The following EYS variants were observed in gnomAD, a reference collection of about 807,000 sequenced individuals.
The protein encoded by EYS is EGF-like photoreceptor maintenance factor.
In EYS, 250 loss-of-function variants were observed where a neutral mutation model predicts 282.1. The observed-to-expected ratio is 0.89, with a 90% CI of 0.80 to 0.98. The LOEUF is 0.98. Ranked by LOEUF, EYS falls within the 50% of genes least tolerant of loss-of-function variation. The probability of loss-of-function intolerance (pLI) is 0.00; values close to 1 mark genes in which losing one functional copy is unlikely to be tolerated. For missense variants in EYS, 4,016 were observed against 3,709.0 expected (o/e 1.08, Z -2.15); for synonymous variants, 1,355 against 1,282.9 (o/e 1.06, Z -1.20).
Position 64,938,221 on chromosome 6 carries a change from C to T in EYS, c.2381+7572G>A, listed in dbSNP as rs71572505. ...TAGTGGTGATCCTTGTACTTCTCTA[C>T]GAATCTACTAAATCTATAGTAGTTC... On this transcript the variant is annotated intron_variant, in intron 15 of 42. Coordinates refer to ENST00000503581, the MANE Select transcript of EYS (RefSeq NM_001142800.2). 1.4e-3 allele frequency among the ~76,000 whole-genome samples: 217 copies of T among 151,610 alleles called. 1 individual carries two copies. The highest frequency in any genetic ancestry group is 6.8e-3 in the Middle Eastern group (2 of 294).
At chr6:64,811,110 C>T (rs2150014530) in intron 22 of EYS, among the ~76,000 whole-genome samples, 1 of 152,160 alleles carries the variant, frequency 6.6e-6, no homozygotes, top group East Asian at 1.9e-4. Flanking sequence ...TACCTTCTAT[C>T]CTAGAATATG....
chr6:63,932,547 A>G (rs756134303), intron 35 of EYS, among the ~76,000 whole-genome samples: 12 of 152,102 alleles, frequency 7.9e-5, no homozygotes, highest in Non-Finnish European at 1.2e-4. Context: ...GTCCTGTTCT[A>G]TTTCCTAATA....
At chr6:65,050,169 T>C (rs558794799) in intron 13 of EYS, among the ~76,000 whole-genome samples, 1 of 151,782 alleles carries the variant, frequency 6.6e-6, no homozygotes, top group South Asian at 2.1e-4. Context: ...AAAAATATTT[T>C]GTTTTAAATG....
intron 8 of EYS, among the ~76,000 whole-genome samples, chr6:65,357,794 AAAAGT>A (rs2056274229): frequency 6.6e-6 from 1 of 152,038 alleles, no homozygotes; most frequent in South Asian, 2.1e-4. Flanking sequence ...CCAATAAAAG[AAAAGT>A]AATTATTTCA....
intron 34 of EYS, among the ~76,000 whole-genome samples, 192 bp downstream of exon 34, chr6:63,998,883 T>C (rs769296901): frequency 1.7e-4 from 26 of 151,970 alleles, no homozygotes; most frequent in Non-Finnish European, 2.9e-4. Flanking sequence ...AAAACTTTGA[T>C]AGTGACAGGC....
chr6:63,864,071 A>G, intron 36 of EYS, 115 bp downstream of exon 36: 1 of 1,007,684 alleles, frequency 9.9e-7, no homozygotes, highest in Non-Finnish European at 1.4e-6. Flanking sequence ...AAGAACCCAG[A>G]AGAAGATTTG....
intron 1 of EYS, among the ~76,000 whole-genome samples, chr6:65,681,389 T>C (rs148859245): frequency 2.4e-4 from 36 of 152,164 alleles, no homozygotes; most frequent in Middle Eastern, 3.4e-3. Flanking sequence ...AGACCAAATG[T>C]ATATTTCATA....
chr6:63,788,954 G>T, intron 38 of EYS, 104 bp downstream of exon 38: 1 of 1,156,448 alleles, frequency 8.6e-7, no homozygotes, highest in Non-Finnish European at 1.2e-6. Flanking sequence ...TGTGAACTTC[G>T]TGGATGTAGG....
At position 65,510,250 on chromosome 6, in the gene EYS, C is replaced by T. The variant is rs1400408659; in HGVS notation, c.-332-14257G>A. ...TGTGTTCTCATTGTTCAATTCCCAC[C>T]TATGGGAATTGCGGTGTTTGGTTTT... On this transcript the variant is annotated intron_variant, in intron 2 of 42. Transcript: ENST00000503581. Among the ~76,000 whole-genome samples, 3 of 146,684 alleles carry T rather than the reference C, an allele frequency of 2.0e-5. No homozygotes were observed. The Admixed American group carries it at 2.1e-4, about 10-fold the overall frequency.
chr6:64,678,851 G>A (rs749934291), intron 22 of EYS, among the ~76,000 whole-genome samples: 3 of 151,900 alleles, frequency 2.0e-5, no homozygotes, highest in Non-Finnish European at 4.4e-5. Context: ...GCCGGGTTTG[G>A]TGATAGGCGC....
chr6:65,031,172 C>CATACACACACACACACACAT (rs1426768477), intron 13 of EYS, among the ~76,000 whole-genome samples: 1 of 132,778 alleles, frequency 7.5e-6, no homozygotes, highest in Admixed American at 7.3e-5. Context: ...CACACACGCA[C>CATACACACACACACACACAT]ATACACACAC....
chr6:64,710,790 C>A (rs929279155), intron 22 of EYS, among the ~76,000 whole-genome samples: 5 of 152,208 alleles, frequency 3.3e-5, no homozygotes, highest in African/African-American at 7.2e-5. Context: ...CCATTTACTT[C>A]ATGTTGCCAT....
intron 19 of EYS, among the ~76,000 whole-genome samples, chr6:64,863,410 G>A (rs1766311860): frequency 6.6e-6 from 1 of 152,030 alleles, no homozygotes; most frequent in African/African-American, 2.4e-5. Flanking sequence ...TATATTCTCT[G>A]AATCTGTTTC....
In EYS at chr6:64,275,037, G is replaced by A. The variant is rs377680169; in HGVS notation, c.6191+31933C>T. Among the ~76,000 whole-genome samples, 21 of 152,238 alleles carry A rather than the reference G, an allele frequency of 1.4e-4. No homozygotes were observed. The South Asian group carries it at 4.4e-3, about 32-fold the overall frequency. On this transcript the variant is annotated intron_variant, in intron 30 of 42. Transcript: ENST00000503581. ...AGAACATCCCATAAAGCATGCACCT[G>A]GCAACCTGGTCACACCTACAACCTT...
chr6:64,699,105 A>T (rs982827073), intron 22 of EYS, among the ~76,000 whole-genome samples: 16 of 152,208 alleles, frequency 1.1e-4, no homozygotes. Flanking sequence ...GATAAAGAAA[A>T]TGTGGTACAT....
intron 42 of EYS, among the ~76,000 whole-genome samples, chr6:63,725,856 C>A (rs1768594756): frequency 6.6e-6 from 1 of 151,858 alleles, no homozygotes. Context: ...TTCTGAGAGA[C>A]AAGATCAAAG....
chr6:65,096,708 A>G (rs185189636), intron 12 of EYS, among the ~76,000 whole-genome samples: 56 of 151,224 alleles, frequency 3.7e-4, no homozygotes, highest in Non-Finnish European at 2.1e-4. Context: ...TATTTGGTCA[A>G]TTGTACTTTA....
chr6:65,270,165 G>A (rs921389961), intron 12 of EYS, among the ~76,000 whole-genome samples: 2 of 152,088 alleles, frequency 1.3e-5, no homozygotes, highest in Admixed American at 6.6e-5. Flanking sequence ...ACAATAGTAG[G>A]ACAGGCATAA....
chr6:64,744,891 A>G (rs1772501721), intron 22 of EYS, among the ~76,000 whole-genome samples: 1 of 152,124 alleles, frequency 6.6e-6, no homozygotes, highest in African/African-American at 2.4e-5. Context: ...TACTGGAAAG[A>G]TTTTTCTTCT....
Sources: gnomAD v4.1 joint callset for allele counts (sites outside exome capture counted in the v4.1 genomes callset) on GRCh38, gnomAD v4.1.1 for gene constraint, MANE v1.5 for transcripts, NCBI Gene and HGNC (gene_info 2026-07-23, HGNC 2026-07-21) for gene names.